Variants in FAM110B observed in about 807,000 individuals in gnomAD.
FAM110B encodes the protein protein FAM110B.
In FAM110B, 6 loss-of-function variants were observed where a neutral mutation model predicts 20.4. The observed-to-expected ratio is 0.29, with a 90% CI of 0.16 to 0.58. The LOEUF (loss-of-function observed/expected upper bound fraction) is 0.58, where lower values mean the gene tolerates loss of function less well. Among genes scored for constraint, FAM110B ranks in the 20% least tolerant of loss-of-function variants. The pLI, the probability that FAM110B is intolerant of heterozygous loss-of-function variation, is 0.90. For missense variants in FAM110B, 434 were observed against 498.2 expected (o/e 0.87, Z 1.23); for synonymous variants, 226 against 214.1 (o/e 1.06, Z -0.49).
At chr8:58,093,711 G>A (rs961627355) in intron 3 of FAM110B, among the ~76,000 whole-genome samples, 3 of 152,142 alleles carry the variant, frequency 2.0e-5, no homozygotes, top group African/African-American at 7.2e-5. Context: ...TTTTTGTTTA[G>A]AATTGTCTTG....
In FAM110B at chr8:58,119,023, C is replaced by T. The variant is rs138561375; in HGVS notation, c.-324-26884C>T. On this transcript the variant is annotated intron_variant, in intron 3 of 3. Transcript: ENST00000519262. ...ATGAGATAATGGCATCCTTTAGAAA[C>T]CAAAAAACAAATACTCTGAAAAGTA... 5.2e-3 allele frequency among the ~76,000 whole-genome samples: 798 copies of T among 152,184 alleles called. 18 individuals are homozygous for T. Among genetic ancestry groups the T allele is most frequent in the Non-Finnish European group, 1.4e-3 (94 of 68,006 alleles).
intron 3 of FAM110B, among the ~76,000 whole-genome samples, chr8:58,077,861 C>T (rs1189743602): frequency 6.6e-6 from 1 of 152,212 alleles, no homozygotes; most frequent in Non-Finnish European, 1.5e-5. Context: ...AGTTGGGTTG[C>T]AGGCGTAAAT....
intron 1 of FAM110B, among the ~76,000 whole-genome samples, chr8:58,019,222 C>T (rs1056806218): frequency 1.3e-5 from 2 of 149,722 alleles, no homozygotes; most frequent in African/African-American, 4.9e-5. Context: ...CCTGTAGTTC[C>T]AGCTACTCGG....
intron 3 of FAM110B, among the ~76,000 whole-genome samples, chr8:58,142,895 G>A (rs1803773282): frequency 6.6e-6 from 1 of 152,206 alleles, no homozygotes; most frequent in Non-Finnish European, 1.5e-5. Context: ...CTCTCAGCCT[G>A]GCGGTTGGCC....
chr8:58,075,182 G>C (rs952321830), intron 2 of FAM110B, among the ~76,000 whole-genome samples: 5 of 150,978 alleles, frequency 3.3e-5, no homozygotes, highest in South Asian at 2.1e-4. Flanking sequence ...CTCAGCTCAC[G>C]GAAACCTCCA....
intron 3 of FAM110B, among the ~76,000 whole-genome samples, chr8:58,090,903 T>G (rs188350816): frequency 1.3e-5 from 2 of 152,328 alleles, no homozygotes; most frequent in Non-Finnish European, 2.9e-5. Context: ...TGAGCAATAC[T>G]AGTAACATTA....
At chr8:58,123,395 A>G (rs1807414192) in intron 3 of FAM110B, among the ~76,000 whole-genome samples, 1 of 152,140 alleles carries the variant, frequency 6.6e-6, no homozygotes, top group Admixed American at 6.5e-5. Flanking sequence ...GTCCTGTGAG[A>G]TTAGTTCCAA....
chr8:58,061,523 C>T (rs2150585525), intron 2 of FAM110B, among the ~76,000 whole-genome samples: 1 of 152,304 alleles, frequency 6.6e-6, no homozygotes, highest in South Asian at 2.1e-4. Context: ...TGAAAGGGAG[C>T]ACAGACTTGG....
At chr8:58,106,933 A>G (rs764304499) in intron 3 of FAM110B, among the ~76,000 whole-genome samples, 20 of 152,234 alleles carry the variant, frequency 1.3e-4, no homozygotes, top group Admixed American at 3.3e-4. Context: ...ACGATAAGCG[A>G]GTTTTAACGC....
chr8:58,015,757 A>G (rs1192607612), intron 1 of FAM110B, among the ~76,000 whole-genome samples: 3 of 151,684 alleles, frequency 2.0e-5, no homozygotes, highest in South Asian at 2.1e-4. Flanking sequence ...AGGCAGGACA[A>G]TCGCTTGAAT....
intron 3 of FAM110B, among the ~76,000 whole-genome samples, chr8:58,080,061 A>G (rs1162266919): frequency 6.6e-6 from 1 of 152,196 alleles, no homozygotes; most frequent in Non-Finnish European, 1.5e-5. Context: ...CAGTATGTAG[A>G]TATGGGATAT....
intron 3 of FAM110B, among the ~76,000 whole-genome samples, chr8:58,120,509 A>G (rs1807333192): frequency 6.6e-6 from 1 of 152,224 alleles, no homozygotes; most frequent in Non-Finnish European, 1.5e-5. Flanking sequence ...AATTCCAGGC[A>G]GGGCATTTCA....
intron 3 of FAM110B, among the ~76,000 whole-genome samples, chr8:58,119,401 A>G (rs572666240): frequency 6.6e-6 from 1 of 152,160 alleles, no homozygotes; most frequent in South Asian, 2.1e-4. Flanking sequence ...CACCCCCGTA[A>G]GCCTCTTTTA....
At chr8:58,055,469 T>C (rs1182098898) in intron 2 of FAM110B, among the ~76,000 whole-genome samples, 1 of 152,214 alleles carries the variant, frequency 6.6e-6, no homozygotes, top group African/African-American at 2.4e-5. Flanking sequence ...ATCTACAGAT[T>C]ATGTTTTAAT....
chr8:58,011,700 C>T (rs75260509), intron 1 of FAM110B, among the ~76,000 whole-genome samples: 2,999 of 152,260 alleles, frequency 0.02, 106 homozygotes, highest in African/African-American at 0.067. Flanking sequence ...TTCTCTTCCA[C>T]GCCAGCAAAC....
chr8:58,102,030 A>G (rs1424862535), intron 3 of FAM110B, among the ~76,000 whole-genome samples: 2 of 152,208 alleles, frequency 1.3e-5, no homozygotes, highest in African/African-American at 4.8e-5. Flanking sequence ...AATCTTCCAT[A>G]TGAATGCCAC....
chr8:58,114,529 C>G (rs974557387), intron 3 of FAM110B, among the ~76,000 whole-genome samples: 2 of 152,094 alleles, frequency 1.3e-5, no homozygotes, highest in Admixed American at 1.3e-4. Context: ...CTCTTGAATC[C>G]CAGGCATTCT....
chr8:58,050,676 T>A (rs185018355), intron 2 of FAM110B, among the ~76,000 whole-genome samples: 1 of 152,316 alleles, frequency 6.6e-6, no homozygotes, highest in East Asian at 1.9e-4. Flanking sequence ...TTTGGATTCT[T>A]TTCTGTGACC....
At chr8:58,068,598 TAA>T (rs11342170) in intron 2 of FAM110B, among the ~76,000 whole-genome samples, 2,396 of 147,486 alleles carry the variant, frequency 0.016, 19 homozygotes, top group Non-Finnish European at 0.019. Flanking sequence ...TAGCTAAAAA[TAA>T]AAAAAAAAAA....
Sources: gnomAD v4.1 joint callset for allele counts (sites outside exome capture counted in the v4.1 genomes callset) on GRCh38, gnomAD v4.1.1 for gene constraint, MANE v1.5 for transcripts, NCBI Gene and HGNC (gene_info 2026-07-23, HGNC 2026-07-21) for gene names.